Variants in PTPRD observed in about 807,000 individuals in gnomAD.
The protein encoded by PTPRD is receptor-type tyrosine-protein phosphatase delta.
PTPRD carries 34 observed loss-of-function variants against 214.5 expected under a neutral mutation model. That is an observed-to-expected ratio of 0.16 (90% CI 0.12 to 0.21). The LOEUF is 0.21. Ranked by LOEUF, PTPRD falls within the 10% of genes least tolerant of loss-of-function variation. PTPRD has a pLI of 1.00. For missense variants in PTPRD, 2,545 were observed against 2,398.7 expected (o/e 1.06, Z -1.27); for synonymous variants, 1,128 against 845.7 (o/e 1.33, Z -5.79).
intron 27 of PTPRD, among the ~76,000 whole-genome samples, chr9:8,490,729 G>A (rs1285589257): frequency 6.6e-6 from 1 of 152,086 alleles, no homozygotes; most frequent in Admixed American, 6.5e-5. Flanking sequence ...CATCCTTGAG[G>A]TTATATGAAT....
At chr9:9,812,870 T>C (rs1746805) in intron 5 of PTPRD, among the ~76,000 whole-genome samples, 70,451 of 151,516 alleles carry the variant, frequency 0.46, 19,812 homozygotes, top group African/African-American at 0.8. Flanking sequence ...CCAGGGTATA[T>C]TGTGTTAGAC....
chr9:10,379,914 C>A (rs973439245), intron 2 of PTPRD, among the ~76,000 whole-genome samples: 2 of 151,894 alleles, frequency 1.3e-5, no homozygotes, highest in Non-Finnish European at 2.9e-5. Flanking sequence ...TACTCAAAAT[C>A]TTGGTAGAAA....
At chr9:9,060,517 TGTA>T (rs1175462805) in intron 10 of PTPRD, among the ~76,000 whole-genome samples, 3 of 152,084 alleles carry the variant, frequency 2.0e-5, no homozygotes, top group African/African-American at 7.2e-5. Context: ...CTAATTATGT[TGTA>T]GTAATATGAA....
intron 2 of PTPRD, among the ~76,000 whole-genome samples, chr9:10,349,449 C>T (rs143548615): frequency 1.4e-4 from 22 of 152,246 alleles, no homozygotes; most frequent in Non-Finnish European, 7.4e-5. Flanking sequence ...TCCCATCTGT[C>T]ATACCTAAAT....
At chr9:9,000,902 G>C (rs1416643463) in intron 11 of PTPRD, among the ~76,000 whole-genome samples, 1 of 151,934 alleles carries the variant, frequency 6.6e-6, no homozygotes, top group East Asian at 1.9e-4. Flanking sequence ...ACTCACAATG[G>C]AGAGGTAGCA....
At chr9:9,798,428 T>C (rs1323087441) in intron 5 of PTPRD, among the ~76,000 whole-genome samples, 1 of 152,068 alleles carries the variant, frequency 6.6e-6, no homozygotes, top group Non-Finnish European at 1.5e-5. Flanking sequence ...TGGGAATAAA[T>C]TGGGGGGAAT....
chr9:9,139,978 T>C (rs976081803), intron 10 of PTPRD, among the ~76,000 whole-genome samples: 5 of 152,110 alleles, frequency 3.3e-5, no homozygotes, highest in African/African-American at 1.2e-4. Flanking sequence ...GGTGGGAATA[T>C]CTAGTATAAT....
chr9:10,083,516 T>G (rs116806594), intron 3 of PTPRD, among the ~76,000 whole-genome samples: 1,847 of 152,184 alleles, frequency 0.012, 26 homozygotes, highest in African/African-American at 0.04. Flanking sequence ...AGCAAATTCA[T>G]GTCTATAAAA....
At chr9:10,366,257 C>T (rs1489489867) in intron 2 of PTPRD, among the ~76,000 whole-genome samples, 1 of 152,150 alleles carries the variant, frequency 6.6e-6, no homozygotes. Context: ...GGAAACCCAA[C>T]TGGAGAGAAA....
At chr9:8,965,563 A>G (rs2099188478) in intron 11 of PTPRD, among the ~76,000 whole-genome samples, 1 of 152,034 alleles carries the variant, frequency 6.6e-6, no homozygotes, top group African/African-American at 2.4e-5. Context: ...TCTTGTTGAT[A>G]TGAATCCTTT....
At chr9:8,434,085 C>T (rs898606012) in intron 35 of PTPRD, among the ~76,000 whole-genome samples, 3 of 152,118 alleles carry the variant, frequency 2.0e-5, no homozygotes, top group African/African-American at 4.8e-5. Context: ...CAGGTTCAAG[C>T]GATTTTCCTG....
At chr9:9,593,312 G>C (rs1320594593) in intron 7 of PTPRD, among the ~76,000 whole-genome samples, 2 of 113,470 alleles carry the variant, frequency 1.8e-5, no homozygotes, top group African/African-American at 3.3e-5. Flanking sequence ...TTTTTTTTTT[G>C]CTTGCTTTTC....
chr9:8,694,625 G>C (rs2097870218), intron 12 of PTPRD, among the ~76,000 whole-genome samples: 1 of 152,118 alleles, frequency 6.6e-6, no homozygotes, highest in Non-Finnish European at 1.5e-5. Flanking sequence ...ATATGCCAAG[G>C]AAACTTACTT....
chr9:8,392,894 T>C (rs1307579424), intron 36 of PTPRD, among the ~76,000 whole-genome samples: 1 of 152,070 alleles, frequency 6.6e-6, no homozygotes, highest in Non-Finnish European at 1.5e-5. Context: ...TTAGAAAGGA[T>C]GGTGGTGTGT....
rs1469760373 is a variant in PTPRD at position 8,764,751 on chromosome 9, C to T, written c.-103-30805G>A. ...TGGAGGTTGCAGTGAGCCGAGATTG[C>T]CCCATTGCACTCCAGGATGGGCAAC... On this transcript the variant is annotated intron_variant, in intron 11 of 45. Transcript: ENST00000381196. 4.0e-5 allele frequency among the ~76,000 whole-genome samples: 6 copies of T among 151,470 alleles called. No homozygotes were observed. In the East Asian group the frequency reaches 1.2e-3, roughly 29 times the overall value.
At position 8,697,838 on chromosome 9, in the gene PTPRD, C is replaced by T. The variant is rs73427522; in HGVS notation, c.64+35942G>A. 4.1e-3 allele frequency among the ~76,000 whole-genome samples: 622 copies of T among 152,118 alleles called. 3 individuals carry two copies. The highest frequency in any genetic ancestry group is 0.015 in the African/African-American group (602 of 41,472). Reference sequence around the variant, plus strand: ...TGACATTATTGGTGGGAAGAATAAACAACTGAAGTTATCAAAACTTTCTAC... The same window carrying T: ...TGACATTATTGGTGGGAAGAATAAATAACTGAAGTTATCAAAACTTTCTAC... On this transcript the variant is annotated intron_variant, in intron 12 of 45. Transcript: ENST00000381196.
intron 3 of PTPRD, among the ~76,000 whole-genome samples, chr9:10,051,243 G>A (rs1275879156): frequency 6.6e-6 from 1 of 152,010 alleles, no homozygotes; most frequent in East Asian, 1.9e-4. Flanking sequence ...AGTTGTTTCG[G>A]GAAAACATGA....
chr9:8,794,900 A>G (rs1322914232), intron 11 of PTPRD, among the ~76,000 whole-genome samples: 1 of 151,996 alleles, frequency 6.6e-6, no homozygotes, highest in African/African-American at 2.4e-5. Context: ...CTTGGGATAA[A>G]TGGTCAATGA....
chr9:9,445,326 G>A (rs2090011602), intron 8 of PTPRD, among the ~76,000 whole-genome samples: 1 of 152,096 alleles, frequency 6.6e-6, no homozygotes, highest in African/African-American at 2.4e-5. Context: ...GCATGCCATT[G>A]ATGGATCTGT....
Sources: allele counts gnomAD v4.1 joint callset (sites outside exome capture counted in the v4.1 genomes callset), GRCh38; gene constraint gnomAD v4.1.1; transcripts MANE v1.5; gene names NCBI Gene and HGNC (gene_info 2026-07-23, HGNC 2026-07-21).